GRM7: variants seen among roughly 807,000 people sequenced by gnomAD.
GRM7 encodes glutamate metabotropic receptor 7.
A neutral mutation model predicts 84.5 loss-of-function variants in GRM7; 35 were observed. That is an observed-to-expected ratio of 0.41 (90% confidence interval 0.32 to 0.55). The LOEUF (loss-of-function observed/expected upper bound fraction) is 0.55, where lower values mean the gene tolerates loss of function less well. Among genes scored for constraint, GRM7 ranks in the 20% least tolerant of loss-of-function variants. GRM7 has a pLI of 0.19. For missense variants in GRM7, 1,003 were observed against 1,194.6 expected (o/e 0.84, Z 2.36); for synonymous variants, 487 against 455.1 (o/e 1.07, Z -0.89).
Position 7,361,345 on chromosome 3 carries a change from A to G in GRM7, c.1034-53678A>G, listed in dbSNP as rs540881780. On this transcript the variant is annotated intron_variant, in intron 4 of 9. Transcript: ENST00000357716. ...GAACACCAGCCTGCAAAAAAGAACAAAGCAAGTCTAGACACAAGGTCACTC... is the reference window on the plus strand; with the variant it reads ...GAACACCAGCCTGCAAAAAAGAACAGAGCAAGTCTAGACACAAGGTCACTC... 3.9e-5 allele frequency among the ~76,000 whole-genome samples: 6 copies of G among 152,222 alleles called. No homozygotes were observed. In the South Asian group the frequency reaches 1.2e-3, roughly 32 times the overall value.
chr3:7,403,963 A>G (rs1378839092), intron 4 of GRM7, among the ~76,000 whole-genome samples: 1 of 151,966 alleles, frequency 6.6e-6, no homozygotes, highest in African/African-American at 2.4e-5. Context: ...GCACAATCGT[A>G]TAGAGTAGAT....
At chr3:7,660,099 A>T (rs536868138) in intron 8 of GRM7, among the ~76,000 whole-genome samples, 1 of 152,260 alleles carries the variant, frequency 6.6e-6, no homozygotes, top group Non-Finnish European at 1.5e-5. Flanking sequence ...ATAAAACCTT[A>T]TGGTTTAACT....
chr3:6,921,976 C>T (rs982788051), intron 1 of GRM7, among the ~76,000 whole-genome samples: 4 of 152,180 alleles, frequency 2.6e-5, no homozygotes, highest in Non-Finnish European at 4.4e-5. Flanking sequence ...CAATAGACGT[C>T]ATGGTTGTTG....
chr3:7,156,170 T>C (rs900978997), intron 2 of GRM7, among the ~76,000 whole-genome samples: 1 of 152,102 alleles, frequency 6.6e-6, no homozygotes, highest in African/African-American at 2.4e-5. Flanking sequence ...TAAGTATTAG[T>C]CATGAAACAA....
At position 7,103,815 on chromosome 3, in the gene GRM7, T is replaced by TC. The variant is rs1559443619; in HGVS notation, c.520-42637_520-42636insC. On this transcript the variant is annotated intron_variant, in intron 1 of 9. Transcript: ENST00000357716. ...CTTTCTTTCTTTCTTTCTTTCTTTC[T>TC]TTCTCTCTCTCTCTGTCTCTCTCTC... is the stretch of plus-strand genomic sequence containing the variant. Among the ~76,000 whole-genome samples, 442 of 72,534 alleles carry TC rather than the reference T, an allele frequency of 6.1e-3. 24 individuals are homozygous for TC. The highest frequency in any genetic ancestry group is 0.033 in the African/African-American group (368 of 11,042). 47.6% of individuals were successfully genotyped at this position (72,534 alleles called of 152,430 possible).
intron 8 of GRM7, among the ~76,000 whole-genome samples, chr3:7,579,977 T>G (rs1575519209): frequency 6.6e-6 from 1 of 152,196 alleles, no homozygotes. Context: ...CAATTCACAG[T>G]GAGATCAGAG....
intron 1 of GRM7, among the ~76,000 whole-genome samples, chr3:7,021,861 G>A (rs57086854): frequency 0.026 from 4,027 of 152,188 alleles, 182 homozygotes; most frequent in African/African-American, 0.089. Flanking sequence ...AAGATTTATG[G>A]CATTTGTTGT....
chr3:7,264,039 G>T (rs1472554925), intron 2 of GRM7, among the ~76,000 whole-genome samples: 4 of 152,034 alleles, frequency 2.6e-5, no homozygotes, highest in African/African-American at 9.7e-5. Context: ...TACTGGAGCT[G>T]TCCACAGTTC....
At chr3:7,199,645 C>T (rs756623377) in intron 2 of GRM7, among the ~76,000 whole-genome samples, 2 of 152,146 alleles carry the variant, frequency 1.3e-5, no homozygotes, top group Non-Finnish European at 2.9e-5. Flanking sequence ...CCACTGGCAT[C>T]TAGTTGGGAG....
chr3:7,322,290 T>TA (rs1700811911), intron 4 of GRM7, among the ~76,000 whole-genome samples: 1 of 70 alleles, frequency 0.014, no homozygotes, highest in East Asian at 0.5. Context: ...ATACTTGGGT[T>TA]AAACATTTGC....
At chr3:7,487,889 C>T (rs1178523813) in intron 7 of GRM7, among the ~76,000 whole-genome samples, 1 of 152,154 alleles carries the variant, frequency 6.6e-6, no homozygotes, top group African/African-American at 2.4e-5. Context: ...TCTGAGAAAA[C>T]CACAGGCTCT....
intron 4 of GRM7, among the ~76,000 whole-genome samples, chr3:7,375,075 C>A (rs77907564): frequency 0.048 from 7,231 of 152,168 alleles, 394 homozygotes; most frequent in African/African-American, 0.13. Context: ...TGCCTTCACT[C>A]TTCTCAAATA....
chr3:7,659,016 T>G (rs2125121392), intron 8 of GRM7, among the ~76,000 whole-genome samples: 1 of 152,344 alleles, frequency 6.6e-6, no homozygotes, highest in Non-Finnish European at 1.5e-5. Context: ...AACCAAAGTT[T>G]TAAAATAGTG....
At chr3:6,944,874 A>C (rs1351609090) in intron 1 of GRM7, among the ~76,000 whole-genome samples, 2 of 152,234 alleles carry the variant, frequency 1.3e-5, no homozygotes, top group Admixed American at 6.5e-5. Context: ...CTATTTATTA[A>C]GTGAGCCCTT....
At chr3:7,645,555 AAAAAAAAAAAAAAAAAG>A in intron 8 of GRM7, among the ~76,000 whole-genome samples, 1 of 150,130 alleles carries the variant, frequency 6.7e-6, no homozygotes. Flanking sequence ...TTAAAAAAAA[AAAAAAAAAAAAAAAAAG>A]AAAAGAAAAA....
chr3:7,464,636 C>T (rs1037363849), intron 7 of GRM7, among the ~76,000 whole-genome samples: 3 of 151,908 alleles, frequency 2.0e-5, no homozygotes, highest in Non-Finnish European at 4.4e-5. Flanking sequence ...CAAGACCATC[C>T]TGGCTAACAC....
intron 1 of GRM7, among the ~76,000 whole-genome samples, chr3:6,948,973 G>C (rs1053112603): frequency 8.5e-5 from 13 of 152,184 alleles, no homozygotes; most frequent in Non-Finnish European, 1.5e-4. Flanking sequence ...TGGGTTTCCT[G>C]AATACAGCAC....
At chr3:7,038,046 G>C (rs1384894420) in intron 1 of GRM7, among the ~76,000 whole-genome samples, 1 of 152,000 alleles carries the variant, frequency 6.6e-6, no homozygotes, top group Non-Finnish European at 1.5e-5. Flanking sequence ...TCAATAAAAA[G>C]GGCATTCAAA....
At chr3:7,219,699 G>T in intron 2 of GRM7, among the ~76,000 whole-genome samples, 1 of 152,180 alleles carries the variant, frequency 6.6e-6, no homozygotes, top group Non-Finnish European at 1.5e-5. Flanking sequence ...CTTGCTGTTA[G>T]TGTCAGCCTA....
Sources: allele counts gnomAD v4.1 joint callset (sites outside exome capture counted in the v4.1 genomes callset), GRCh38; gene constraint gnomAD v4.1.1; transcripts MANE v1.5; gene names NCBI Gene and HGNC (gene_info 2026-07-23, HGNC 2026-07-21).